PLAC1: variants seen among roughly 807,000 people sequenced by gnomAD.
PLAC1 encodes placenta-specific protein 1.
For synonymous variants in PLAC1, 68 were observed against 62.1 expected (o/e 1.09, Z -0.44); for missense variants, 136 against 163.2 (o/e 0.83, Z 0.91).
intron 1 of PLAC1, among the ~76,000 whole-genome samples, chrX:134,627,480 C>T (rs918647903): frequency 1.2e-4 from 13 of 112,185 alleles, no homozygotes; most frequent in African/African-American, 3.2e-4. Flanking sequence ...CAAAGATATA[C>T]GTATATCCAG....
At chrX:134,689,577 C>T (rs923073208) in intron 2 of PLAC1, among the ~76,000 whole-genome samples, 3 of 111,514 alleles carry the variant, frequency 2.7e-5, no homozygotes, top group East Asian at 2.8e-4. Context: ...GATATTTGAG[C>T]AATGAATCAG....
intron 1 of PLAC1, among the ~76,000 whole-genome samples, chrX:134,631,287 G>A (rs1166420723): frequency 1.8e-5 from 2 of 112,311 alleles, no homozygotes; most frequent in Admixed American, 9.4e-5. Flanking sequence ...CATGTAGGAG[G>A]AGAAAGAATA....
rs762891222 is a variant in PLAC1, at chrX:134,702,265, TA to T, written n.174+31169del. On this transcript the variant is annotated intron_variant and non_coding_transcript_variant, in intron 2 of 2. Transcript: ENST00000466797. ...AATGAGTACATATCCAAAAGAAAACTAAATGTTCTACCAAAATGACACACAC... is the reference window on the plus strand; with the variant it reads ...AATGAGTACATATCCAAAAGAAAACTAATGTTCTACCAAAATGACACACAC... Among the ~76,000 whole-genome samples, 890 of 111,939 alleles carry T rather than the reference TA, an allele frequency of 8.0e-3. 14 individuals are homozygous for T. The highest frequency in any genetic ancestry group is 0.027 in the African/African-American group (827 of 30,746).
At chrX:134,737,378 TG>T (rs890081062) in intron 1 of PLAC1, among the ~76,000 whole-genome samples, 2 of 112,472 alleles carry the variant, frequency 1.8e-5, no homozygotes, top group Non-Finnish European at 3.8e-5. Context: ...CTTGCTTGCA[TG>T]GGGATCTCCC....
chrX:134,690,954 A>G (rs2078534660), intron 2 of PLAC1, among the ~76,000 whole-genome samples: 1 of 22,251 alleles, frequency 4.5e-5, no homozygotes, highest in Non-Finnish European at 7.9e-5. Context: ...AAAAAAAAAA[A>G]AAAAAAAAAA....
At chrX:134,693,699 C>G (rs1001805963) in intron 2 of PLAC1, among the ~76,000 whole-genome samples, 10 of 110,660 alleles carry the variant, frequency 9.0e-5, no homozygotes, top group East Asian at 2.9e-4. Context: ...GAGAGAGAGA[C>G]AGAGAGCAAG....
intron 1 of PLAC1, among the ~76,000 whole-genome samples, chrX:134,616,549 T>C (rs1296407872): frequency 1.8e-5 from 2 of 108,947 alleles, no homozygotes; most frequent in African/African-American, 3.3e-5. Flanking sequence ...GGCAGGAGAA[T>C]GGTGTGAACC....
chrX:134,640,322 T>C (rs1046599123), intron 1 of PLAC1, among the ~76,000 whole-genome samples: 1 of 111,561 alleles, frequency 9.0e-6, no homozygotes, highest in Admixed American at 9.5e-5. Context: ...CAGAGACATC[T>C]TGACTGGGAG....
intron 1 of PLAC1, among the ~76,000 whole-genome samples, chrX:134,643,471 T>C (rs1230696711): frequency 8.9e-6 from 1 of 111,905 alleles, no homozygotes; most frequent in Non-Finnish European, 1.9e-5. Context: ...AAACTAACTC[T>C]ATACAAAACC....
intron 2 of PLAC1, among the ~76,000 whole-genome samples, chrX:134,723,501 CG>C (rs2078664778): frequency 9.2e-6 from 1 of 108,953 alleles, no homozygotes; most frequent in African/African-American, 3.3e-5. Context: ...TTTGTAGATA[CG>C]GGGCTCTCTC....
Position 134,752,670 on chromosome X carries a change from T to C in PLAC1, n.89+11564A>G, listed in dbSNP as rs190754108. ...CAACACAGTGCAGGCTGCTTGATTT[T>C]GTTACATTTAACTTAAAGACTACCA... On this transcript the variant is annotated intron_variant and non_coding_transcript_variant, in intron 1 of 2. Transcript: ENST00000466797. Among the ~76,000 whole-genome samples the C allele has an allele frequency of 1.2e-3, 131 of 111,591 alleles. 1 individual carries two copies. The highest frequency in any genetic ancestry group is 2.2e-3 in the Non-Finnish European group (115 of 53,167).
At chrX:134,659,220 AAAAG>A (rs1433472131), upstream of PLAC1, among the ~76,000 whole-genome samples, 2 of 111,909 alleles carry the variant, frequency 1.8e-5, no homozygotes, top group Non-Finnish European at 3.8e-5. Context: ...ATTTAAAAAA[AAAAG>A]AAAGAATTTT....
chrX:134,722,300 G>A (rs1329988440), intron 2 of PLAC1, among the ~76,000 whole-genome samples: 1 of 112,128 alleles, frequency 8.9e-6, no homozygotes, highest in African/African-American at 3.2e-5. Context: ...CTGACAAATG[G>A]ATAAAGAAAA....
chrX:134,703,158 T>C (rs992097469), intron 2 of PLAC1, among the ~76,000 whole-genome samples: 1 of 111,902 alleles, frequency 8.9e-6, no homozygotes, highest in Non-Finnish European at 1.9e-5. Flanking sequence ...CAATGTATTA[T>C]GAATGTAGTC....
At chrX:134,632,048 T>C (rs1468321463) in intron 1 of PLAC1, among the ~76,000 whole-genome samples, 1 of 112,025 alleles carries the variant, frequency 8.9e-6, no homozygotes, top group Non-Finnish European at 1.9e-5. Flanking sequence ...CACTCTTCTT[T>C]ATTTTGGACT....
chrX:134,632,528 T>A (rs2078267109), intron 1 of PLAC1, among the ~76,000 whole-genome samples: 1 of 111,385 alleles, frequency 9.0e-6, no homozygotes, highest in East Asian at 2.8e-4. Flanking sequence ...CAGGGCAACA[T>A]CCTTCTAACT....
At chrX:134,577,249 A>T (rs1331420121) in intron 2 of PLAC1, among the ~76,000 whole-genome samples, 1 of 112,064 alleles carries the variant, frequency 8.9e-6, no homozygotes, top group Admixed American at 9.5e-5. Flanking sequence ...GACGTTCCCA[A>T]CTATAAAAGT....
intron 2 of PLAC1, among the ~76,000 whole-genome samples, chrX:134,730,892 A>C (rs2078687128): frequency 9.0e-6 from 1 of 111,421 alleles, no homozygotes; most frequent in African/African-American, 3.3e-5. Flanking sequence ...CAATGGGGGA[A>C]GTGCTGTTGC....
chrX:134,661,727 T>G (rs1343030609), upstream of PLAC1, among the ~76,000 whole-genome samples: 1 of 111,806 alleles, frequency 8.9e-6, no homozygotes, highest in Middle Eastern at 4.6e-3. Flanking sequence ...AACCCTGTAG[T>G]AAATTCTTTT....
Sources: allele counts gnomAD v4.1 joint callset (sites outside exome capture counted in the v4.1 genomes callset), GRCh38; gene constraint gnomAD v4.1.1; transcripts MANE v1.5; gene names NCBI Gene and HGNC (gene_info 2026-07-23, HGNC 2026-07-21).